The following FRMD3 variants were observed in gnomAD, a reference collection of about 807,000 sequenced individuals.
FRMD3 encodes the protein FERM domain-containing protein 3.
A neutral mutation model predicts 70.2 loss-of-function variants in FRMD3; 33 were observed. The observed-to-expected ratio is 0.47, with a 90% CI of 0.36 to 0.63. The LOEUF (loss-of-function observed/expected upper bound fraction) is 0.63. FRMD3 is among the 20% of genes least tolerant of loss of function. The probability of loss-of-function intolerance (pLI) is 0.00; values close to 1 mark genes in which losing one functional copy is unlikely to be tolerated. For missense variants in FRMD3, 632 were observed against 711.4 expected (o/e 0.89, Z 1.27); for synonymous variants, 279 against 255.9 (o/e 1.09, Z -0.86).
Position 83,267,023 on chromosome 9 carries a change from G to C in FRMD3, c.1196-18507C>G, listed in dbSNP as rs368286312. The C allele has an allele frequency of 5.7e-5, 89 of 1,550,792 alleles. No individual in the cohort carries two copies. In the South Asian group the frequency reaches 1.0e-3, roughly 18 times the overall value. On this transcript the variant is annotated intron_variant, in intron 13 of 13. Coordinates refer to ENST00000304195, the MANE Select transcript of FRMD3 (RefSeq NM_174938.6). ...GGCACCACACATACCAGTGTTACGA[G>C]CTGTGACCTTGGAGCCGAGTCTCAG...
the FRMD3 span, among the ~76,000 whole-genome samples, chr9:83,547,766 T>C: frequency 2.8e-3 from 431 of 152,312 alleles, no homozygotes; most frequent in African/African-American, 0.01. Context: ...TGAACAATTC[T>C]TCAAAATAGA....
intron 1 of FRMD3, among the ~76,000 whole-genome samples, chr9:83,502,553 G>A (rs1829094298): frequency 6.6e-6 from 1 of 152,126 alleles, no homozygotes; most frequent in Non-Finnish European, 1.5e-5. Flanking sequence ...TTAATAAATG[G>A]GCCTGTTAAA....
At chr9:83,367,351 G>T (rs1489331840) in intron 3 of FRMD3, among the ~76,000 whole-genome samples, 8 of 152,096 alleles carry the variant, frequency 5.3e-5, no homozygotes, top group Admixed American at 2.6e-4. Flanking sequence ...TGATTTTAAG[G>T]TTCTAATTCC....
chr9:83,378,842 A>G (rs1825267612), intron 2 of FRMD3, among the ~76,000 whole-genome samples: 1 of 128,450 alleles, frequency 7.8e-6, no homozygotes. Context: ...TATATACTAT[A>G]TATAAATTTT....
chr9:83,268,318 T>C (rs987971976), intron 13 of FRMD3, among the ~76,000 whole-genome samples: 4 of 152,260 alleles, frequency 2.6e-5, no homozygotes, highest in African/African-American at 7.2e-5. Context: ...ATTTAGCATT[T>C]CTGGAAAGAA....
intron 13 of FRMD3, among the ~76,000 whole-genome samples, chr9:83,262,190 C>A (rs1833024248): frequency 6.6e-6 from 1 of 152,202 alleles, no homozygotes; most frequent in Admixed American, 6.5e-5. Flanking sequence ...TACCAGGCAA[C>A]TGTACATAGG....
the FRMD3 span, among the ~76,000 whole-genome samples, chr9:83,558,426 TA>T: frequency 6.6e-6 from 1 of 152,204 alleles, no homozygotes; most frequent in Non-Finnish European, 1.5e-5. Context: ...AGTGAATTGT[TA>T]AGATTAGTAT....
At chr9:83,457,223 C>T (rs1423284774) in intron 1 of FRMD3, among the ~76,000 whole-genome samples, 1 of 152,200 alleles carries the variant, frequency 6.6e-6, no homozygotes, top group Non-Finnish European at 1.5e-5. Flanking sequence ...AGGACGTGTT[C>T]TCACATACAG....
At chr9:83,324,953 G>T (rs1835952374) in intron 6 of FRMD3, among the ~76,000 whole-genome samples, 1 of 152,198 alleles carries the variant, frequency 6.6e-6, no homozygotes, top group South Asian at 2.1e-4. Flanking sequence ...CCATCTGCCT[G>T]CTCTCCTGCG....
At chr9:83,571,556 T>C in the FRMD3 span, among the ~76,000 whole-genome samples, 1 of 152,184 alleles carries the variant, frequency 6.6e-6, no homozygotes, top group Non-Finnish European at 1.5e-5. Flanking sequence ...TAGTTGCGTG[T>C]TGACATCTGA....
chr9:83,250,544 C>A (rs1359168439), intron 13 of FRMD3, among the ~76,000 whole-genome samples: 2 of 152,220 alleles, frequency 1.3e-5, no homozygotes, highest in African/African-American at 4.8e-5. Context: ...AAGTTAAGAC[C>A]CACTGGCTTG....
intron 2 of FRMD3, 78 bp downstream of exon 2, chr9:83,389,526 C>A (rs1453851760): frequency 4.4e-6 from 4 of 918,026 alleles, no homozygotes; most frequent in Non-Finnish European, 7.3e-6. Context: ...ATCACTAGGG[C>A]TTTGAGAGGA....
At chr9:83,528,152 G>A (rs1328394710) in intron 1 of FRMD3, among the ~76,000 whole-genome samples, 1 of 152,104 alleles carries the variant, frequency 6.6e-6, no homozygotes, top group Admixed American at 6.6e-5. Context: ...CAAAAGAAGG[G>A]TCTCAAAACA....
At chr9:83,428,594 A>C (rs1215048669) in intron 1 of FRMD3, among the ~76,000 whole-genome samples, 4 of 152,092 alleles carry the variant, frequency 2.6e-5, no homozygotes, top group Non-Finnish European at 5.9e-5. Context: ...TTCATTTAGT[A>C]ATTATAATAA....
Position 83,538,059 on chromosome 9 carries a change from G to A in FRMD3, c.147+26C>T. 1 of 1,607,746 alleles carries A rather than the reference G, an allele frequency of 6.2e-7. No homozygotes were observed. Among genetic ancestry groups the A allele is most frequent in the Non-Finnish European group, 8.5e-7 (1 of 1,175,748 alleles). On this transcript the variant is annotated intron_variant, in intron 1 of 13. Transcript: ENST00000304195. The surrounding 1 kb of genome is among the most constrained non-coding windows in gnomAD (Gnocchi z 4.7). Reference sequence around the variant, plus strand: ...CCGCCCTGCTCCCGGCGTGTGCCCCGCGCCCTCGCCCGGTTCCACGCGCAC... The same window carrying A: ...CCGCCCTGCTCCCGGCGTGTGCCCCACGCCCTCGCCCGGTTCCACGCGCAC...
At chr9:83,465,822 G>T (rs557834922) in intron 1 of FRMD3, among the ~76,000 whole-genome samples, 3 of 152,132 alleles carry the variant, frequency 2.0e-5, no homozygotes, top group Non-Finnish European at 2.9e-5. Context: ...GAATCAATTG[G>T]AGCTGTATCC....
intron 4 of FRMD3, among the ~76,000 whole-genome samples, chr9:83,344,048 G>A (rs1404280029): frequency 6.6e-6 from 1 of 152,240 alleles, no homozygotes; most frequent in Non-Finnish European, 1.5e-5. Flanking sequence ...ATAGCAAGGT[G>A]GGAGGCAGGC....
intron 3 of FRMD3, among the ~76,000 whole-genome samples, chr9:83,357,229 TA>T (rs1398509741): frequency 3.1e-4 from 4 of 12,966 alleles, no homozygotes; most frequent in African/African-American, 2.0e-3. Context: ...ATATATTTTA[TA>T]TATATATAAT....
At chr9:83,332,399 C>G (rs1587734772) in intron 6 of FRMD3, among the ~76,000 whole-genome samples, 1 of 151,594 alleles carries the variant, frequency 6.6e-6, no homozygotes. Flanking sequence ...TCTCTCTCTC[C>G]CCCCACCATC....
Sources: allele counts gnomAD v4.1 joint callset (sites outside exome capture counted in the v4.1 genomes callset), GRCh38; gene constraint gnomAD v4.1.1; non-coding constraint Gnocchi (gnomAD v3.1); transcripts MANE v1.5; gene names NCBI Gene and HGNC (gene_info 2026-07-23, HGNC 2026-07-21).